Variants in MYO1D observed in about 807,000 individuals in gnomAD.
MYO1D encodes the protein unconventional myosin-Id.
MYO1D carries 83 observed loss-of-function variants against 122.0 expected under a neutral mutation model. That is an observed-to-expected ratio of 0.68 (90% CI 0.57 to 0.82). The LOEUF is 0.82. Among genes scored for constraint, MYO1D ranks in the 40% least tolerant of loss-of-function variants. The probability of loss-of-function intolerance (pLI) is 0.00; values close to 1 mark genes in which losing one functional copy is unlikely to be tolerated. For synonymous variants in MYO1D, 464 were observed against 446.9 expected (o/e 1.04, Z -0.48); for missense variants, 1,157 against 1,269.5 (o/e 0.91, Z 1.35).
Position 32,629,358 on chromosome 17 carries a change from C to T in MYO1D, c.2709+9364G>A, listed in dbSNP as rs545734112. 1.4e-4 allele frequency among the ~76,000 whole-genome samples: 22 copies of T among 152,116 alleles called. No homozygotes were observed. In the South Asian group the frequency reaches 4.4e-3, roughly 30 times the overall value. On this transcript the variant is annotated intron_variant, in intron 20 of 21. Transcript: ENST00000318217. ...AGAACTCAACAGCATCAAGAGTGAA[C>T]CTTTGTGGGCAACTTAAAAAAAATT...
At chr17:32,736,600 G>C (rs1692986019) in intron 14 of MYO1D, among the ~76,000 whole-genome samples, 2 of 152,172 alleles carry the variant, frequency 1.3e-5, no homozygotes, top group African/African-American at 4.8e-5. Context: ...CTAATTCAGG[G>C]ATCTGTTTCA....
chr17:32,507,157 G>C (rs937667261), intron 21 of MYO1D, among the ~76,000 whole-genome samples: 3 of 152,148 alleles, frequency 2.0e-5, no homozygotes, highest in Non-Finnish European at 4.4e-5. Context: ...CCAGCAATTT[G>C]GGAGGCTGAG....
rs778480557 is a variant in MYO1D at position 32,765,029 on chromosome 17, T to C, written c.884A>G (p.Lys295Arg). The C allele has an allele frequency of 2.5e-6, 4 of 1,614,010 alleles. No individual in the cohort carries two copies. The highest frequency in any genetic ancestry group is 1.7e-5 in the Admixed American group (1 of 60,002). Residue 295 changes from lysine (K) to arginine (R), a missense_variant, in exon 8 of 22, where the codon AAA (lysine) becomes AGA (arginine). Physicochemically the swap from Lys to Arg is conservative, Grantham distance 26 (BLOSUM62 2). Coordinates refer to ENST00000318217, the MANE Select transcript of MYO1D (RefSeq NM_015194.3). ...CAATTCTGCTATGATAGATACTACT[T>C]TGCCATTCTCAATAAGAGGCGTGTC... Reference protein sequence around the residue: ...DGDTPLIENGKVVSIIAELLS... With the variant: ...DGDTPLIENGRVVSIIAELLS...
At chr17:32,732,577 A>G (rs891214091) in intron 14 of MYO1D, among the ~76,000 whole-genome samples, 13 of 152,088 alleles carry the variant, frequency 8.5e-5, no homozygotes, top group African/African-American at 3.1e-4. Flanking sequence ...CAATGGGAGG[A>G]CCTGACTGCA....
chr17:32,674,741 T>G (rs1229137454), intron 16 of MYO1D, among the ~76,000 whole-genome samples: 2 of 152,192 alleles, frequency 1.3e-5, no homozygotes, highest in Non-Finnish European at 2.9e-5. Flanking sequence ...AATCCATGTT[T>G]CCAGTTTTTG....
At chr17:32,642,363 G>A (rs1315977797) in intron 19 of MYO1D, among the ~76,000 whole-genome samples, 2 of 152,146 alleles carry the variant, frequency 1.3e-5, no homozygotes, top group African/African-American at 2.4e-5. Flanking sequence ...GTCAGGTAGC[G>A]TGACGCCTCC....
At chr17:32,807,695 T>C (rs1350186705) in intron 1 of MYO1D, among the ~76,000 whole-genome samples, 2 of 152,160 alleles carry the variant, frequency 1.3e-5, no homozygotes, top group Non-Finnish European at 1.5e-5. Context: ...CTGAGGAACC[T>C]CTGTGTTTGA....
chr17:32,711,961 A>G (rs2089381988), intron 16 of MYO1D, 27 bp downstream of exon 16: 1 of 1,550,404 alleles, frequency 6.4e-7, no homozygotes, highest in Non-Finnish European at 8.8e-7. Context: ...GCAAAATCTT[A>G]TCCTTATATA....
intron 1 of MYO1D, among the ~76,000 whole-genome samples, chr17:32,862,037 A>T (rs891833853): frequency 3.9e-5 from 6 of 151,916 alleles, no homozygotes; most frequent in Admixed American, 6.6e-5. Context: ...ATAATCAATA[A>T]AAGTTATGTC....
chr17:32,594,042 A>G (rs1409993886), intron 21 of MYO1D, among the ~76,000 whole-genome samples: 2 of 152,252 alleles, frequency 1.3e-5, no homozygotes, highest in Non-Finnish European at 2.9e-5. Context: ...TCCTTCTTAT[A>G]GCCCACTTCT....
At chr17:32,527,081 C>T (rs1910367675) in intron 21 of MYO1D, among the ~76,000 whole-genome samples, 2 of 152,188 alleles carry the variant, frequency 1.3e-5, no homozygotes, top group Admixed American at 6.5e-5. Flanking sequence ...AAACACTTTT[C>T]GTAAGACCAC....
chr17:32,696,707 T>G (rs2089178124), intron 16 of MYO1D, among the ~76,000 whole-genome samples: 1 of 152,222 alleles, frequency 6.6e-6, no homozygotes, highest in South Asian at 2.1e-4. Context: ...TTTGGCTGTT[T>G]GCTATGCAGG....
At chr17:32,534,365 G>A (rs866289648) in intron 21 of MYO1D, among the ~76,000 whole-genome samples, 1 of 152,006 alleles carries the variant, frequency 6.6e-6, no homozygotes, top group Non-Finnish European at 1.5e-5. Flanking sequence ...TAGAGATAAG[G>A]TCTTGCTATG....
intron 1 of MYO1D, among the ~76,000 whole-genome samples, chr17:32,788,980 A>G (rs368274038): frequency 1.5e-4 from 22 of 150,040 alleles, no homozygotes; most frequent in African/African-American, 4.4e-4. Flanking sequence ...GGTTAAGTAT[A>G]TTCCTAAGTT....
In MYO1D at chr17:32,635,671, T is replaced by G. The variant is rs529494104; in HGVS notation, c.2709+3051A>C. 3.3e-5 allele frequency among the ~76,000 whole-genome samples: 5 copies of G among 151,780 alleles called. 1 individual carries two copies. In the South Asian group the frequency reaches 1.0e-3, roughly 32 times the overall value. ...TGGCGCCACTGCACTCCAGTCTGGG[T>G]GACAGAGCAAGACTCCGTCTCGGGT... On this transcript the variant is annotated intron_variant, in intron 20 of 21. Coordinates refer to ENST00000318217, the MANE Select transcript of MYO1D (RefSeq NM_015194.3).
chr17:32,653,460 G>A (rs1314317925), intron 19 of MYO1D, among the ~76,000 whole-genome samples: 2 of 151,876 alleles, frequency 1.3e-5, no homozygotes, highest in Admixed American at 6.6e-5. Context: ...TATAAAGTTA[G>A]CTAGACATGG....
rs189726457 is a variant in MYO1D, at chr17:32,538,472, T to A, written c.2865-43557A>T. 4.2e-3 allele frequency among the ~76,000 whole-genome samples: 631 copies of A among 149,300 alleles called. 3 individuals carry two copies. Among genetic ancestry groups the A allele is most frequent in the African/African-American group, 8.2e-3 (334 of 40,508 alleles). ...GATAATTATTATTATTATTATTATT[T>A]TTTTTTTTGTAGAGATGGGGTCTTG... On this transcript the variant is annotated intron_variant, in intron 21 of 21. Coordinates refer to ENST00000318217, the MANE Select transcript of MYO1D (RefSeq NM_015194.3).
intron 2 of MYO1D, 61 bp downstream of exon 2, chr17:32,780,515 G>A: frequency 1.3e-6 from 2 of 1,499,140 alleles, no homozygotes; most frequent in Non-Finnish European, 1.8e-6. Flanking sequence ...TTGGATTCTT[G>A]AGTATCAAAC....
intron 21 of MYO1D, among the ~76,000 whole-genome samples, chr17:32,533,755 A>G (rs1004296350): frequency 2.6e-5 from 4 of 152,012 alleles, no homozygotes; most frequent in South Asian, 2.1e-4. Flanking sequence ...CCTGGCTTTC[A>G]TACTTGCTCT....
Sources: gnomAD v4.1 joint callset for allele counts (sites outside exome capture counted in the v4.1 genomes callset) on GRCh38, gnomAD v4.1.1 for gene constraint, MANE v1.5 for transcripts, NCBI Gene and HGNC (gene_info 2026-07-23, HGNC 2026-07-21) for gene names.